Variants in OSBPL6 observed in about 807,000 individuals in gnomAD.
The protein encoded by OSBPL6 is oxysterol binding protein like 6, also known as oxysterol-binding protein-related protein 6.
In OSBPL6, 49 loss-of-function variants were observed where a neutral mutation model predicts 125.8. That is an observed-to-expected ratio of 0.39 (90% CI 0.31 to 0.49). OSBPL6 has a LOEUF of 0.49. Ranked by LOEUF, OSBPL6 falls within the 20% of genes least tolerant of loss-of-function variation. The pLI, the probability that OSBPL6 is intolerant of heterozygous loss-of-function variation, is 0.88. For missense variants in OSBPL6, 986 were observed against 1,135.4 expected (o/e 0.87, Z 1.89); for synonymous variants, 394 against 391.8 (o/e 1.01, Z -0.07).
chr2:178,206,602 T>TTTTTG (rs773416029), intron 1 of OSBPL6, among the ~76,000 whole-genome samples: 41 of 152,018 alleles, frequency 2.7e-4, no homozygotes, highest in Non-Finnish European at 3.4e-4. Flanking sequence ...ACAGGAGGTT[T>TTTTTG]TTTTGTTTTG....
intron 15 of OSBPL6, among the ~76,000 whole-genome samples, chr2:178,376,686 T>C (rs544476614): frequency 2.0e-5 from 3 of 152,220 alleles, no homozygotes; most frequent in Non-Finnish European, 4.4e-5. Flanking sequence ...AAGACCGTTA[T>C]AATCTGATGC....
chr2:178,209,194 T>C (rs1427052454), intron 1 of OSBPL6, among the ~76,000 whole-genome samples: 3 of 152,148 alleles, frequency 2.0e-5, no homozygotes, highest in Non-Finnish European at 4.4e-5. Flanking sequence ...CCCCTCACTT[T>C]TCCCTGTTCT....
At chr2:178,301,866 A>G (rs1469036913) in intron 2 of OSBPL6, among the ~76,000 whole-genome samples, 1 of 152,172 alleles carries the variant, frequency 6.6e-6, no homozygotes, top group Non-Finnish European at 1.5e-5. Flanking sequence ...CAGCTGACCT[A>G]AAGGACATGT....
chr2:178,245,674 C>T (rs1574613698), intron 1 of OSBPL6, among the ~76,000 whole-genome samples: 1 of 152,182 alleles, frequency 6.6e-6, no homozygotes, highest in South Asian at 2.1e-4. Context: ...AGGGTACATC[C>T]ACATATAACA....
At chr2:178,371,561 G>C (rs1478515394) in intron 13 of OSBPL6, among the ~76,000 whole-genome samples, 1 of 152,102 alleles carries the variant, frequency 6.6e-6, no homozygotes, top group East Asian at 1.9e-4. Context: ...TTGCACTTAA[G>C]TTAGTTCTGC....
At chr2:178,207,854 G>A (rs1274538241) in intron 1 of OSBPL6, among the ~76,000 whole-genome samples, 1 of 152,154 alleles carries the variant, frequency 6.6e-6, no homozygotes, top group Admixed American at 6.5e-5. Context: ...AATTTAAGAG[G>A]TAATAACTTG....
chr2:178,279,249 G>C (rs1189157836), intron 1 of OSBPL6, among the ~76,000 whole-genome samples: 1 of 152,202 alleles, frequency 6.6e-6, no homozygotes, highest in Non-Finnish European at 1.5e-5. Flanking sequence ...TGATGGGCTT[G>C]AATAAGAAAG....
chr2:178,380,553 G>A (rs1044667994), intron 15 of OSBPL6, among the ~76,000 whole-genome samples: 1 of 151,006 alleles, frequency 6.6e-6, no homozygotes, highest in Admixed American at 6.6e-5. Flanking sequence ...AAGTGGATGT[G>A]GAAAGATGGA....
At chr2:178,380,531 T>A (rs537999389) in intron 15 of OSBPL6, among the ~76,000 whole-genome samples, 3 of 146,430 alleles carry the variant, frequency 2.0e-5, no homozygotes, top group Non-Finnish European at 4.5e-5. Flanking sequence ...AGATGGATAG[T>A]GTAAAGTGTT....
At chr2:178,206,254 A>G (rs952458954) in intron 1 of OSBPL6, among the ~76,000 whole-genome samples, 3 of 152,256 alleles carry the variant, frequency 2.0e-5, no homozygotes, top group African/African-American at 7.2e-5. Context: ...GCTAGCATAT[A>G]CTGTGTCAGT....
At chr2:178,328,214 G>T in intron 4 of OSBPL6, 42 bp from the exon 5 acceptor site, 4 of 1,610,732 alleles carry the variant, frequency 2.5e-6, no homozygotes, top group Non-Finnish European at 3.4e-6. Context: ...GTGTCATCAG[G>T]CACTGAGTAA....
At chr2:178,230,023 A>G (rs889307011) in intron 1 of OSBPL6, among the ~76,000 whole-genome samples, 1 of 152,122 alleles carries the variant, frequency 6.6e-6, no homozygotes. Flanking sequence ...ACCATCACTC[A>G]TAGTGTTGTT....
chr2:178,241,903 A>G (rs1450656755), intron 1 of OSBPL6, among the ~76,000 whole-genome samples: 1 of 152,208 alleles, frequency 6.6e-6, no homozygotes, highest in Non-Finnish European at 1.5e-5. Flanking sequence ...GTGTGTCTAC[A>G]TATACAAATA....
intron 3 of OSBPL6, among the ~76,000 whole-genome samples, chr2:178,310,693 A>G (rs1687196530): frequency 6.6e-6 from 1 of 152,182 alleles, no homozygotes; most frequent in African/African-American, 2.4e-5. Flanking sequence ...CGGGGATTAC[A>G]GGCGTGAGCC....
chr2:178,219,314 G>A (rs911977572), intron 1 of OSBPL6, among the ~76,000 whole-genome samples: 1 of 152,134 alleles, frequency 6.6e-6, no homozygotes, highest in African/African-American at 2.4e-5. Flanking sequence ...TACAAAATAG[G>A]AAATGGAAGC....
chr2:178,371,849 C>T (rs569953658), intron 13 of OSBPL6, among the ~76,000 whole-genome samples: 1 of 152,098 alleles, frequency 6.6e-6, no homozygotes, highest in Non-Finnish European at 1.5e-5. Context: ...GGGACTCACT[C>T]TAAAGGAAAG....
intron 14 of OSBPL6, 146 bp downstream of exon 14, chr2:178,372,379 T>C (rs1185238285): frequency 1.8e-6 from 1 of 564,102 alleles, no homozygotes; most frequent in Non-Finnish European, 3.1e-6. Context: ...CAGTGTTCTT[T>C]GAAGTAAAGG....
chr2:178,215,670 T>C (rs1302582632), intron 1 of OSBPL6, among the ~76,000 whole-genome samples: 1 of 151,056 alleles, frequency 6.6e-6, no homozygotes, highest in African/African-American at 2.4e-5. Flanking sequence ...AGGAATCTGG[T>C]GAAGTAAGGG....
intron 3 of OSBPL6, among the ~76,000 whole-genome samples, chr2:178,313,649 C>G (rs182573914): frequency 6.6e-6 from 1 of 152,078 alleles, no homozygotes; most frequent in African/African-American, 2.4e-5. Context: ...ATCTTCTTAC[C>G]AGTTTTTATG....
Sources: allele counts gnomAD v4.1 joint callset (sites outside exome capture counted in the v4.1 genomes callset), GRCh38; gene constraint gnomAD v4.1.1; transcripts MANE v1.5; gene names NCBI Gene and HGNC (gene_info 2026-07-23, HGNC 2026-07-21).